AADACL3: variants seen among roughly 807,000 people sequenced by gnomAD.
The protein encoded by AADACL3 is arylacetamide deacetylase like 3, also known as arylacetamide deacetylase-like 3.
Under a neutral mutation model 13.6 loss-of-function variants are expected in AADACL3, and 13 were observed. That is an observed-to-expected ratio of 0.95 (90% CI 0.62 to 1.52). AADACL3 has a LOEUF of 1.52. Among genes scored for constraint, AADACL3 ranks in the 40% most tolerant of loss-of-function variants. The probability of loss-of-function intolerance (pLI) is 0.00; values close to 1 mark genes in which losing one functional copy is unlikely to be tolerated. For missense variants in AADACL3, 519 were observed against 499.2 expected, an observed-to-expected ratio of 1.04 and a Z score of -0.38; for synonymous variants, 195 against 197.0, an observed-to-expected ratio of 0.99 and a Z score of 0.08.
chr1:12,726,190 C>T lies in AADACL3; in HGVS notation c.*194C>T. ...TGTCCAGAGGACGTGGTAGAAAAGA[C>T]AGGTTTGGAGGTGGGAGTGTGGCTG... is the stretch of plus-strand genomic sequence containing the variant. On this transcript the variant is annotated 3_prime_UTR_variant, in exon 4 of 4. Coordinates refer to ENST00000359318, the MANE Select transcript of AADACL3 (RefSeq NM_001103170.3). 1 of 636,232 alleles carries T rather than the reference C, an allele frequency of 1.6e-6. No individual in the cohort carries two copies. 39.4% of individuals were successfully genotyped at this position (636,232 alleles called of 1,614,324 possible).
intron 3 of AADACL3, among the ~76,000 whole-genome samples, chr1:12,721,316 C>T (rs920598134): frequency 1.3e-5 from 2 of 152,096 alleles, no homozygotes; most frequent in African/African-American, 4.8e-5. Context: ...GAGGAAGAAG[C>T]ACCTGAGCCT....
intron 3 of AADACL3, among the ~76,000 whole-genome samples, chr1:12,721,436 A>G (rs1638257529): frequency 6.6e-6 from 1 of 151,970 alleles, no homozygotes; most frequent in South Asian, 2.1e-4. Flanking sequence ...GTGAAAGAAA[A>G]ATAAGGGGAG....
intron 1 of AADACL3, among the ~76,000 whole-genome samples, chr1:12,718,225 A>G (rs1417572650): frequency 6.6e-6 from 1 of 152,064 alleles, no homozygotes; most frequent in African/African-American, 2.4e-5. Flanking sequence ...TATTTTATGT[A>G]TTTAAAAATG....
intron 3 of AADACL3, among the ~76,000 whole-genome samples, chr1:12,723,262 A>G (rs943274579): frequency 6.6e-6 from 1 of 151,976 alleles, no homozygotes; most frequent in African/African-American, 2.4e-5. Flanking sequence ...TAAAAAAAAT[A>G]ATAATTATTT....
At chr1:12,721,413 C>G (rs1290678017) in intron 3 of AADACL3, among the ~76,000 whole-genome samples, 3 of 151,666 alleles carry the variant, frequency 2.0e-5, no homozygotes, top group Non-Finnish European at 4.4e-5. Context: ...CAAAACAAAA[C>G]AAGAAAAAGA....
chr1:12,723,652 T>A (rs1177631415), intron 3 of AADACL3, among the ~76,000 whole-genome samples: 1 of 152,060 alleles, frequency 6.6e-6, no homozygotes, highest in Non-Finnish European at 1.5e-5. Flanking sequence ...TAATTTTTTG[T>A]ATTTTTGGTA....
chr1:12,721,896 C>CT (rs1638269323), intron 3 of AADACL3, among the ~76,000 whole-genome samples: 1 of 152,232 alleles, frequency 6.6e-6, no homozygotes, highest in Non-Finnish European at 1.5e-5. Context: ...GATGCAGCAT[C>CT]ACACACGTGG....
intron 3 of AADACL3, among the ~76,000 whole-genome samples, 192 bp downstream of exon 3, chr1:12,721,138 C>A (rs1431174216): frequency 6.6e-6 from 1 of 152,088 alleles, no homozygotes; most frequent in African/African-American, 2.4e-5. Flanking sequence ...TGTGGTGGCT[C>A]ACGCCTGTAA....
rs139253010 is a variant in AADACL3, at chr1:12,727,580, C to T, written c.*1584C>T. 902 of 152,302 alleles carry T rather than the reference C, an allele frequency of 5.9e-3. 10 individuals are homozygous for T. Among genetic ancestry groups the T allele is most frequent in the African/African-American group, 0.02 (817 of 41,566 alleles). 9.4% of individuals were successfully genotyped at this position (152,302 alleles called of 1,614,324 possible). A position where few individuals can be genotyped will look rare whatever the true frequency, so the allele number is the denominator to read the frequency against. On this transcript the variant is annotated 3_prime_UTR_variant, in exon 4 of 4. Transcript: ENST00000359318. ...TGGTCTTTACAGGCCAAGGTCAAGG[C>T]CATTGCACAAAAAACCCTGTGCATG...
rs1249007063 is a variant in AADACL3, at chr1:12,727,755, C to A, written c.*1759C>A. 2 of 152,252 alleles carry A rather than the reference C, an allele frequency of 1.3e-5. No homozygotes were observed. Among genetic ancestry groups the A allele is most frequent in the African/African-American group, 4.8e-5 (2 of 41,460 alleles). 9.4% of individuals were successfully genotyped at this position (152,252 alleles called of 1,614,324 possible). Reference sequence around the variant, plus strand: ...CCCCTGAAAACACACACTATGGTAGCCACTCAACTGTTGAAAGGCACTGGA... The same window carrying A: ...CCCCTGAAAACACACACTATGGTAGACACTCAACTGTTGAAAGGCACTGGA... On this transcript the variant is annotated 3_prime_UTR_variant, in exon 4 of 4. Transcript: ENST00000359318.
chr1:12,722,441 G>T (rs1638278401), intron 3 of AADACL3, among the ~76,000 whole-genome samples: 1 of 152,036 alleles, frequency 6.6e-6, no homozygotes, highest in Non-Finnish European at 1.5e-5. Flanking sequence ...TCTACCATGG[G>T]ATCATGGGAT....
intron 3 of AADACL3, among the ~76,000 whole-genome samples, chr1:12,724,062 G>A (rs1638319066): frequency 1.3e-5 from 2 of 152,186 alleles, no homozygotes. Context: ...GGGATTACAG[G>A]CGTGAGCCAC....
chr1:12,717,454 C>T (rs887493784), intron 1 of AADACL3, among the ~76,000 whole-genome samples: 11 of 152,328 alleles, frequency 7.2e-5, no homozygotes, highest in African/African-American at 9.6e-5. Context: ...TATTATAATG[C>T]CTGACACAGA....
In AADACL3 at chr1:12,728,290, C is replaced by A. The variant is rs972748079; in HGVS notation, c.*2294C>A. The A allele has an allele frequency of 1.3e-5, 2 of 152,222 alleles. No individual in the cohort carries two copies. Among genetic ancestry groups the A allele is most frequent in the African/African-American group, 4.8e-5 (2 of 41,442 alleles). The allele number at this position is 152,222 out of a possible 1,614,324, so 9.4% of individuals were successfully genotyped here. Reference sequence around the variant, plus strand: ...ATTAATCTTACAGAGTAGGTACAGACATACCTATGGATATTGCAGATTCAG... The same window carrying A: ...ATTAATCTTACAGAGTAGGTACAGAAATACCTATGGATATTGCAGATTCAG... On this transcript the variant is annotated 3_prime_UTR_variant, in exon 4 of 4. Coordinates refer to ENST00000359318, the MANE Select transcript of AADACL3 (RefSeq NM_001103170.3).
chr1:12,717,059 CT>C (rs1215948294), intron 1 of AADACL3, among the ~76,000 whole-genome samples: 1 of 152,182 alleles, frequency 6.6e-6, no homozygotes, highest in Non-Finnish European at 1.5e-5. Flanking sequence ...ATTTCTTGTA[CT>C]TTTTCTTGTG....
intron 3 of AADACL3, 38 bp downstream of exon 3, chr1:12,720,984 C>CA: frequency 1.3e-6 from 2 of 1,526,610 alleles, no homozygotes; most frequent in Non-Finnish European, 1.8e-6. Context: ...CAGCAAGGAG[C>CA]AAGGCTCTGA....
At position 12,725,620 on chromosome 1, in the gene AADACL3, A is replaced by G. The variant is rs1427104231; in HGVS notation, c.848A>G (p.Lys283Arg). 3 of 1,614,088 alleles carry G rather than the reference A, an allele frequency of 1.9e-6. No homozygotes were observed. In the South Asian group the frequency reaches 3.3e-5, roughly 18 times the overall value. Residue 283 changes from lysine to arginine, a missense_variant, in exon 4 of 4, where the codon AAG (lysine) becomes AGG (arginine). Lys to Arg is a conservative substitution (Grantham distance 26). Coordinates refer to ENST00000359318, the MANE Select transcript of AADACL3 (RefSeq NM_001103170.3). ...LPAEVWEKYR[K>R]WLGPENIPER... ...GCTGAAGTCTGGGAAAAGTACAGAA[A>G]GTGGTTGGGCCCAGAAAACATCCCT...
In AADACL3 at chr1:12,719,707, T is replaced by C; in HGVS notation, c.385+16T>C. The C allele has an allele frequency of 1.2e-6, 2 of 1,608,152 alleles. No individual in the cohort carries two copies. Among genetic ancestry groups the C allele is most frequent in the South Asian group, 2.2e-5 (2 of 90,922 alleles). ...GGGAGTTTGAGTAAGAACCATTTTC[T>C]CAGACCTCCTAAAGGGTGGTGGCAC... On this transcript the variant is annotated intron_variant, in intron 2 of 3. Transcript: ENST00000359318.
chr1:12,717,796 G>A (rs1006907033), intron 1 of AADACL3, among the ~76,000 whole-genome samples: 2 of 152,150 alleles, frequency 1.3e-5, no homozygotes, highest in South Asian at 2.1e-4. Flanking sequence ...TTGAGCCCCC[G>A]GGGCCACAGA....
Sources: allele counts gnomAD v4.1 joint callset (sites outside exome capture counted in the v4.1 genomes callset), GRCh38; gene constraint gnomAD v4.1.1; transcripts MANE v1.5; gene names NCBI Gene and HGNC (gene_info 2026-07-23, HGNC 2026-07-21).